MIPOL1: variants seen among roughly 807,000 people sequenced by gnomAD.
The protein encoded by MIPOL1 is mirror-image polydactyly 1, also known as mirror-image polydactyly gene 1 protein.
MIPOL1 carries 57 observed loss-of-function variants against 60.9 expected under a neutral mutation model. The observed-to-expected ratio is 0.94, with a 90% CI of 0.76 to 1.17. MIPOL1 has a LOEUF of 1.17. MIPOL1 is among the 50% of genes most tolerant of loss of function. MIPOL1 has a pLI of 0.00. For synonymous variants in MIPOL1, 179 were observed against 168.8 expected (o/e 1.06, Z -0.47); for missense variants, 551 against 511.6 (o/e 1.08, Z -0.74).
At chr14:37,445,705 G>C (rs1194174018) in intron 11 of MIPOL1, among the ~76,000 whole-genome samples, 1 of 151,562 alleles carries the variant, frequency 6.6e-6, no homozygotes. Flanking sequence ...AAACAGCATG[G>C]TACTGGTACC....
intron 1 of MIPOL1, among the ~76,000 whole-genome samples, chr14:37,207,530 TATG>T (rs1452994563): frequency 1.5e-5 from 2 of 129,984 alleles, no homozygotes; most frequent in Admixed American, 7.6e-5. Context: ...TATTTGAGGA[TATG>T]ATATTATTAT....
Position 37,500,067 on chromosome 14 carries a change from G to A in MIPOL1, c.1191G>A (p.Glu397=). 6.2e-7 allele frequency: 1 copy of A among 1,613,878 alleles called. No individual in the cohort carries two copies. Among genetic ancestry groups the A allele is most frequent in the African/African-American group, 1.3e-5 (1 of 75,008 alleles). ...LATQLQQALT[E]RANMELQLQH... is the part of the protein sequence containing the mutation. ...CTCAACTGCAACAAGCTCTGACAGA[G>A]CGAGCAAATATGGAATTACAACTTC... The change falls in exon 12 of 13, where the codon GAG becomes GAA. Residue 397 remains glutamate (E), a synonymous_variant. Transcript: ENST00000684589.
At chr14:37,394,565 T>G (rs1186125732) in intron 10 of MIPOL1, among the ~76,000 whole-genome samples, 2 of 152,198 alleles carry the variant, frequency 1.3e-5, no homozygotes, top group African/African-American at 2.4e-5. Context: ...TATCTTCTTT[T>G]GAGAATTGTC....
At chr14:37,517,384 A>T (rs866443941) in intron 12 of MIPOL1, among the ~76,000 whole-genome samples, 16 of 152,184 alleles carry the variant, frequency 1.1e-4, no homozygotes, top group African/African-American at 3.9e-4. Context: ...TTTGAAAGGG[A>T]TTCTTCACAT....
chr14:37,304,417 G>A (rs892604442), intron 7 of MIPOL1, among the ~76,000 whole-genome samples: 6 of 151,598 alleles, frequency 4.0e-5, no homozygotes, highest in African/African-American at 1.5e-4. Flanking sequence ...TCTTATATAC[G>A]TTTGCATTTG....
Position 37,213,425 on chromosome 14 carries a change from A to T in MIPOL1, c.-199+15321A>T, listed in dbSNP as rs558158722. On this transcript the variant is annotated intron_variant, in intron 1 of 12. Coordinates refer to ENST00000684589, the MANE Select transcript of MIPOL1 (RefSeq NM_001388067.1). ...CTAGAGCTGAAAATGCAATTGACAT[A>T]CTGAAGAATGCATCTAAGTCGTTTA... Among the ~76,000 whole-genome samples, 5 of 152,370 alleles carry T rather than the reference A, an allele frequency of 3.3e-5. No homozygotes were observed. In the East Asian group the frequency reaches 5.8e-4, roughly 18 times the overall value.
chr14:37,240,940 T>TACAC (rs10554089), intron 1 of MIPOL1, among the ~76,000 whole-genome samples: 3,180 of 146,064 alleles, frequency 0.022, 108 homozygotes, highest in African/African-American at 0.073. Flanking sequence ...CACACACACA[T>TACAC]ACACACACAC....
At chr14:37,272,667 T>G (rs1336179879) in intron 6 of MIPOL1, among the ~76,000 whole-genome samples, 3 of 151,640 alleles carry the variant, frequency 2.0e-5, no homozygotes, top group African/African-American at 7.2e-5. Context: ...AATTCTTTAT[T>G]TCTTGTAATG....
intron 10 of MIPOL1, among the ~76,000 whole-genome samples, chr14:37,413,888 G>A (rs558507336): frequency 3.9e-5 from 6 of 152,206 alleles, no homozygotes; most frequent in South Asian, 4.1e-4. Context: ...GCAACAATGC[G>A]GGGGAGTCAA....
chr14:37,550,676 C>T lies in MIPOL1; in HGVS notation c.*3705C>T, dbSNP rs898926750. 2 of 152,444 alleles carry T rather than the reference C, an allele frequency of 1.3e-5. No individual in the cohort carries two copies. The highest frequency in any genetic ancestry group is 6.5e-5 in the Admixed American group (1 of 15,268). 9.4% of individuals were successfully genotyped at this position (152,444 alleles called of 1,614,324 possible). On this transcript the variant is annotated 3_prime_UTR_variant, in exon 13 of 13. Coordinates refer to ENST00000684589, the MANE Select transcript of MIPOL1 (RefSeq NM_001388067.1). ...GAATGGTTGAAAGATTTATTTTGCT[C>T]GTGCTTAGCTAAATATGTCATCTCT...
intron 7 of MIPOL1, among the ~76,000 whole-genome samples, chr14:37,303,260 A>G (rs1056849850): frequency 6.6e-6 from 1 of 151,902 alleles, no homozygotes; most frequent in African/African-American, 2.4e-5. Context: ...AGTCAATTAC[A>G]CATTGTCAGA....
chr14:37,507,987 T>A (rs2095294639), intron 12 of MIPOL1, among the ~76,000 whole-genome samples: 1 of 152,142 alleles, frequency 6.6e-6, no homozygotes, highest in Non-Finnish European at 1.5e-5. Context: ...TCATATTTGA[T>A]CCACTGTATT....
intron 10 of MIPOL1, among the ~76,000 whole-genome samples, chr14:37,371,592 A>T (rs1321184736): frequency 6.6e-6 from 1 of 152,080 alleles, no homozygotes; most frequent in Non-Finnish European, 1.5e-5. Context: ...AATTTTTTAA[A>T]ACTCATCAAC....
chr14:37,231,193 T>C (rs562722593), intron 1 of MIPOL1, among the ~76,000 whole-genome samples: 1 of 151,988 alleles, frequency 6.6e-6, no homozygotes, highest in African/African-American at 2.4e-5. Flanking sequence ...TTTCAAGCGA[T>C]CCTCCCACCT....
intron 11 of MIPOL1, among the ~76,000 whole-genome samples, chr14:37,468,165 C>CGTGT (rs111522743): frequency 2.4e-4 from 36 of 148,556 alleles, no homozygotes; most frequent in African/African-American, 7.7e-4. Context: ...TTTACATATA[C>CGTGT]GTGTGTGTGT....
At chr14:37,499,369 A>T (rs540410437) in intron 11 of MIPOL1, among the ~76,000 whole-genome samples, 1 of 152,262 alleles carries the variant, frequency 6.6e-6, no homozygotes, top group East Asian at 1.9e-4. Context: ...AATACATTTT[A>T]TTTCTGTGCA....
At chr14:37,236,613 T>C (rs977286356) in intron 1 of MIPOL1, among the ~76,000 whole-genome samples, 1 of 151,902 alleles carries the variant, frequency 6.6e-6, no homozygotes, top group Non-Finnish European at 1.5e-5. Flanking sequence ...ATTTTTTGTA[T>C]TTTTAGTAGA....
chr14:37,359,011 T>A (rs1434567528), intron 9 of MIPOL1, among the ~76,000 whole-genome samples: 1 of 152,198 alleles, frequency 6.6e-6, no homozygotes, highest in Non-Finnish European at 1.5e-5. Flanking sequence ...AATTTCTGTA[T>A]AAGGTATAAG....
chr14:37,393,273 C>T (rs994447331), intron 10 of MIPOL1, among the ~76,000 whole-genome samples: 1 of 151,958 alleles, frequency 6.6e-6, no homozygotes, highest in African/African-American at 2.4e-5. Context: ...TTTTAAGCCA[C>T]CCAATTTGTG....
Sources: allele counts gnomAD v4.1 joint callset (sites outside exome capture counted in the v4.1 genomes callset), GRCh38; gene constraint gnomAD v4.1.1; transcripts MANE v1.5; gene names NCBI Gene and HGNC (gene_info 2026-07-23, HGNC 2026-07-21).